The following MAD2L1 variants were observed in gnomAD, a reference collection of about 807,000 sequenced individuals.
The protein encoded by MAD2L1 is mitotic spindle assembly checkpoint protein MAD2A.
MAD2L1 carries 10 observed loss-of-function variants against 25.9 expected under a neutral mutation model. The ratio of observed to expected loss-of-function variants is 0.39; its 90% CI spans 0.24 to 0.66. The LOEUF is 0.66. Ranked by LOEUF, MAD2L1 falls within the 30% of genes least tolerant of loss-of-function variation. The probability of loss-of-function intolerance (pLI) is 0.49; values close to 1 mark genes in which losing one functional copy is unlikely to be tolerated. For missense variants in MAD2L1, 180 were observed against 246.4 expected, an observed-to-expected ratio of 0.73 and a Z score of 1.80; for synonymous variants, 81 against 91.8, an observed-to-expected ratio of 0.88 and a Z score of 0.67.
At chr4:120,060,589 T>G (rs1726196749) in intron 4 of MAD2L1, among the ~76,000 whole-genome samples, 1 of 152,192 alleles carries the variant, frequency 6.6e-6, no homozygotes, top group Non-Finnish European at 1.5e-5. Flanking sequence ...TATTATTAAC[T>G]CTTACTATGC....
intron 2 of MAD2L1, among the ~76,000 whole-genome samples, chr4:120,064,045 T>A (rs1444205120): frequency 6.6e-6 from 1 of 152,020 alleles, no homozygotes; most frequent in East Asian, 1.9e-4. Context: ...CCACTTTAAC[T>A]AAAATAAAAG....
chr4:120,065,948 G>T, intron 1 of MAD2L1, 130 bp from the exon 2 acceptor site: 1 of 827,610 alleles, frequency 1.2e-6, no homozygotes, highest in Non-Finnish European at 1.8e-6. Context: ...CGTGTATCTT[G>T]CTGAAAGCAG....
chr4:120,065,705 T>A lies in MAD2L1; in HGVS notation c.187A>T (p.Lys63Ter). 6.2e-7 allele frequency: 1 copy of A among 1,613,932 alleles called. No individual in the cohort carries two copies. The highest frequency in any genetic ancestry group is 8.5e-7 in the Non-Finnish European group (1 of 1,179,946). The change falls in exon 2 of 5, where the codon AAA (lysine) becomes TAA (stop). Residue 63 changes from lysine to a stop codon, truncating the protein, a stop_gained. Coordinates refer to ENST00000296509, the MANE Select transcript of MAD2L1 (RefSeq NM_002358.4). LOFTEE classifies it high-confidence loss of function. ...TGTTCCACCACATTATTTAGGTATT[T>A]TATGAGCTCAAGATCAGTAGTTACA... ...LLVTTDLELI[K>*]YLNNVVEQLK...
At position 120,066,738 on chromosome 4, in the gene MAD2L1, C is replaced by T. The variant is rs745467143; in HGVS notation, c.-4G>A. ...CCCGGGAGAGCTGCAGCGCCATGGC[C>T]AGGGACACAAACAAAAGCACGCGCT... On this transcript the variant is annotated 5_prime_UTR_variant, in exon 1 of 5. Coordinates refer to ENST00000296509, the MANE Select transcript of MAD2L1 (RefSeq NM_002358.4). The T allele has an allele frequency of 6.3e-7, 1 of 1,595,014 alleles. No individual in the cohort carries two copies. The highest frequency in any genetic ancestry group is 1.1e-5 in the South Asian group (1 of 89,342).
chr4:120,061,825 T>C (rs1302256875), intron 3 of MAD2L1, 150 bp downstream of exon 3: 6 of 576,654 alleles, frequency 1.0e-5, no homozygotes, highest in East Asian at 3.1e-5. Flanking sequence ...TTCTTTTCCA[T>C]AGGTGACTGA....
Position 120,060,287 on chromosome 4 carries a change from G to A in MAD2L1, c.449C>T (p.Ser150Leu). 6.2e-7 allele frequency: 1 copy of A among 1,604,970 alleles called. No individual in the cohort carries two copies. Among genetic ancestry groups the A allele is most frequent in the East Asian group, 2.2e-5 (1 of 44,706 alleles). Residue 150 changes from serine to leucine, a missense_variant, in exon 5 of 5, where the codon TCA becomes TTA. Physicochemically the swap from Ser to Leu is moderately radical, Grantham distance 145. Coordinates refer to ENST00000296509, the MANE Select transcript of MAD2L1 (RefSeq NM_002358.4). ...TFLPLLEVSC[S>L]FDLLIYTDKD... is the part of the protein sequence containing the mutation. ...GTCTGTATAAATCAGCAGATCAAAT[G>A]AACCTAAATTGGGGATAAGATCATT...
Position 120,058,807 on chromosome 4 carries a change from C to G in MAD2L1, c.*1311G>C. ...GTCACTGAGAACCCAGAAACTGCCA[C>G]TGATCCACAGTATTTGCTCAATATG... On this transcript the variant is annotated 3_prime_UTR_variant, in exon 5 of 5. Transcript: ENST00000296509. 1 of 152,304 alleles carries G rather than the reference C, an allele frequency of 6.6e-6. No individual in the cohort carries two copies. Among genetic ancestry groups the G allele is most frequent in the South Asian group, 2.1e-4 (1 of 4,828 alleles). 9.4% of individuals were successfully genotyped at this position (152,304 alleles called of 1,614,324 possible).
intron 2 of MAD2L1, among the ~76,000 whole-genome samples, chr4:120,064,231 G>T (rs975157993): frequency 6.6e-6 from 1 of 152,140 alleles, no homozygotes; most frequent in Non-Finnish European, 1.5e-5. Flanking sequence ...CCTGAGTACA[G>T]CCCTATGAAT....
chr4:120,062,922 A>G (rs1546120), intron 2 of MAD2L1, among the ~76,000 whole-genome samples: 118,050 of 152,178 alleles, frequency 0.78, 46,107 homozygotes, highest in East Asian at 0.88. Context: ...ATATGGAGCA[A>G]TAGGTAGATT....
rs1386849081 is a variant in MAD2L1, at chr4:120,056,036, A to G, written c.*4082T>C. ...TTGCTAAAAGGATGTAAAGGGTAAGAGGAAAAAGGTGACGAAACACTCCTT... is the reference window on the plus strand; with the variant it reads ...TTGCTAAAAGGATGTAAAGGGTAAGGGGAAAAAGGTGACGAAACACTCCTT... On this transcript the variant is annotated 3_prime_UTR_variant, in exon 5 of 5. Transcript: ENST00000296509. The G allele has an allele frequency of 6.6e-6, 1 of 152,240 alleles. No individual in the cohort carries two copies. The highest frequency in any genetic ancestry group is 2.4e-5 in the African/African-American group (1 of 41,456). The allele number at this position is 152,240 out of a possible 1,614,324, so 9.4% of individuals were successfully genotyped here.
chr4:120,062,118 C>T (rs774490531), intron 2 of MAD2L1, 23 bp from the exon 3 acceptor site: 2 of 1,598,242 alleles, frequency 1.3e-6, no homozygotes, highest in Non-Finnish European at 1.7e-6. Flanking sequence ...AAAAGGAAGG[C>T]ATCTTTCTTG....
Position 120,061,962 on chromosome 4 carries a change from A to C in MAD2L1, c.341+13T>G. The C allele has an allele frequency of 2.5e-6, 4 of 1,587,140 alleles. No individual in the cohort carries two copies. The highest frequency in any genetic ancestry group is 3.4e-6 in the Non-Finnish European group (4 of 1,169,754). On this transcript the variant is annotated intron_variant, in intron 3 of 4. Coordinates refer to ENST00000296509, the MANE Select transcript of MAD2L1 (RefSeq NM_002358.4). Reference sequence around the variant, plus strand: ...AAATATATCAAAGTAGAAATAATGTAATTCCTATTTACCTGTCATCTTTTG... The same window carrying C: ...AAATATATCAAAGTAGAAATAATGTCATTCCTATTTACCTGTCATCTTTTG...
intron 2 of MAD2L1, among the ~76,000 whole-genome samples, chr4:120,063,031 G>A (rs1726251609): frequency 6.6e-6 from 1 of 152,190 alleles, no homozygotes; most frequent in Non-Finnish European, 1.5e-5. Flanking sequence ...TTTCTGGCTG[G>A]ACGGTTTAGT....
At chr4:120,060,524 T>C (rs1166676372) in intron 4 of MAD2L1, among the ~76,000 whole-genome samples, 1 of 152,196 alleles carries the variant, frequency 6.6e-6, no homozygotes, top group African/African-American at 2.4e-5. Flanking sequence ...TATTTAATAA[T>C]GGTCCCAAAG....
rs141021478 is a variant in MAD2L1, at chr4:120,061,855, A to C, written c.341+120T>G. ...GACTGAGGATATCTTAGAAAATATA[A>C]ATTAGAAACAAACTATATTTTATAT... On this transcript the variant is annotated intron_variant, in intron 3 of 4. Transcript: ENST00000296509. 130 of 772,574 alleles carry C rather than the reference A, an allele frequency of 1.7e-4. No homozygotes were observed. In the African/African-American group the frequency reaches 2.1e-3, roughly 13 times the overall value. 47.9% of individuals were successfully genotyped at this position (772,574 alleles called of 1,614,324 possible).
Position 120,056,728 on chromosome 4 carries a change from A to G in MAD2L1, c.*3390T>C, listed in dbSNP as rs1726116900. 6.6e-6 allele frequency: 1 copy of G among 152,228 alleles called. No homozygotes were observed. The highest frequency in any genetic ancestry group is 2.4e-5 in the African/African-American group (1 of 41,460). The allele number at this position is 152,228 out of a possible 1,614,324, so 9.4% of individuals were successfully genotyped here. The stretch of plus-strand genomic sequence containing the variant: ...GGCTCTTTATCCTATTGTGAGTCTC[A>G]TAAAAAGGGTCTCTTTTTTAAAGGA... On this transcript the variant is annotated 3_prime_UTR_variant, in exon 5 of 5. Transcript: ENST00000296509.
rs897400526 is a variant in MAD2L1 at position 120,059,252 on chromosome 4, G to A, written c.*866C>T. On this transcript the variant is annotated 3_prime_UTR_variant, in exon 5 of 5. Transcript: ENST00000296509. ...AATAGCCTTAAGTCTATTGCTATGA[G>A]ATGAACAGGATGTGATCAAAGTTTA... 2 of 152,150 alleles carry A rather than the reference G, an allele frequency of 1.3e-5. No homozygotes were observed. Among genetic ancestry groups the A allele is most frequent in the African/African-American group, 4.8e-5 (2 of 41,434 alleles). 9.4% of individuals were successfully genotyped at this position (152,150 alleles called of 1,614,324 possible). A position where few individuals can be genotyped will look rare whatever the true frequency, so the allele number is the denominator to read the frequency against.
At position 120,065,595 on chromosome 4, in the gene MAD2L1, T is replaced by G. The variant is rs557918656; in HGVS notation, c.220+77A>C. Reference sequence around the variant, plus strand: ...TATTTGAGATGTCAGTACACTTCTATGTGCAGAGCGGAAAAATGACTGCTT... The same window carrying G: ...TATTTGAGATGTCAGTACACTTCTAGGTGCAGAGCGGAAAAATGACTGCTT... On this transcript the variant is annotated intron_variant, in intron 2 of 4. Transcript: ENST00000296509. The G allele has an allele frequency of 2.0e-5, 26 of 1,311,498 alleles. No individual in the cohort carries two copies. The African/African-American group carries it at 3.5e-4, about 18-fold the overall frequency. The allele number at this position is 1,311,498 out of a possible 1,614,324, so 81.2% of individuals were successfully genotyped here.
At position 120,056,652 on chromosome 4, in the gene MAD2L1, T is replaced by C. The variant is rs868754976; in HGVS notation, c.*3466A>G. ...AATTAGCATTATACTAATAAAAACA[T>C]TTTTCAGCATGCATGTCTATATAGT... On this transcript the variant is annotated 3_prime_UTR_variant, in exon 5 of 5. Transcript: ENST00000296509. The C allele has an allele frequency of 2.6e-5, 4 of 152,168 alleles. No homozygotes were observed. Among genetic ancestry groups the C allele is most frequent in the East Asian group, 1.9e-4 (1 of 5,188 alleles). The allele number at this position is 152,168 out of a possible 1,614,324, so 9.4% of individuals were successfully genotyped here. A position where few individuals can be genotyped will look rare whatever the true frequency, so the allele number is the denominator to read the frequency against.
Sources: gnomAD v4.1 joint callset for allele counts (sites outside exome capture counted in the v4.1 genomes callset) on GRCh38, gnomAD v4.1.1 for gene constraint, MANE v1.5 for transcripts, NCBI Gene and HGNC (gene_info 2026-07-23, HGNC 2026-07-21) for gene names.